Variants in EPHA6 observed in about 807,000 individuals in gnomAD.
The protein encoded by EPHA6 is ephrin type-A receptor 6.
EPHA6 carries 50 observed loss-of-function variants against 112.0 expected under a neutral mutation model. The observed-to-expected ratio is 0.45, with a 90% CI of 0.36 to 0.56. EPHA6 has a LOEUF of 0.56. Ranked by LOEUF, EPHA6 falls within the 20% of genes least tolerant of loss-of-function variation. The pLI, the probability that EPHA6 is intolerant of heterozygous loss-of-function variation, is 0.00. For missense variants in EPHA6, 1,280 were observed against 1,417.4 expected, an observed-to-expected ratio of 0.90 and a Z score of 1.56; for synonymous variants, 529 against 490.7, an observed-to-expected ratio of 1.08 and a Z score of -1.03.
chr3:97,208,578 T>C (rs1180819877), intron 3 of EPHA6, among the ~76,000 whole-genome samples: 4 of 151,980 alleles, frequency 2.6e-5, no homozygotes, highest in Non-Finnish European at 5.9e-5. Context: ...AAACCCCGTC[T>C]CTACTAAAAT....
At chr3:96,945,858 A>G (rs147196746) in intron 2 of EPHA6, among the ~76,000 whole-genome samples, 34 of 152,276 alleles carry the variant, frequency 2.2e-4, no homozygotes, top group African/African-American at 7.9e-4. Context: ...AGAGTTCATC[A>G]TTTACATTAG....
intron 12 of EPHA6, among the ~76,000 whole-genome samples, chr3:97,597,314 G>C (rs2093603066): frequency 6.6e-6 from 1 of 152,106 alleles, no homozygotes; most frequent in Admixed American, 6.5e-5. Context: ...ACTTGTGTTA[G>C]GTTCAAAGGA....
chr3:97,661,837 A>C (rs1243511453), intron 14 of EPHA6, among the ~76,000 whole-genome samples: 7 of 152,100 alleles, frequency 4.6e-5, no homozygotes, highest in Non-Finnish European at 1.0e-4. Flanking sequence ...TATATCTTTG[A>C]ATTTCCTCTT....
At chr3:96,979,458 C>A (rs1219273384) in intron 2 of EPHA6, among the ~76,000 whole-genome samples, 4 of 152,084 alleles carry the variant, frequency 2.6e-5, no homozygotes, top group Non-Finnish European at 5.9e-5. Flanking sequence ...CATTGATGGA[C>A]ATTTGGGTTG....
chr3:96,876,918 A>G (rs1475634771), intron 2 of EPHA6, among the ~76,000 whole-genome samples: 1 of 152,070 alleles, frequency 6.6e-6, no homozygotes, highest in African/African-American at 2.4e-5. Context: ...AACTCAGTGC[A>G]TATCATAGCA....
chr3:97,729,697 A>G (rs1386103), intron 15 of EPHA6, among the ~76,000 whole-genome samples: 149,048 of 151,892 alleles, frequency 0.98, 73,149 homozygotes, highest in East Asian at 0.99. Context: ...CTTCTGCCTT[A>G]TTTTTTCTTT....
intron 3 of EPHA6, among the ~76,000 whole-genome samples, chr3:97,181,743 C>A (rs1875282): frequency 0.94 from 143,013 of 152,194 alleles, 67,259 homozygotes; most frequent in East Asian, 1. Flanking sequence ...TCAGCAGTAG[C>A]CACACAATGG....
intron 3 of EPHA6, among the ~76,000 whole-genome samples, chr3:97,225,131 A>AT (rs1433829812): frequency 7.9e-5 from 12 of 151,924 alleles, no homozygotes; most frequent in Non-Finnish European, 1.3e-4. Flanking sequence ...GATCTTTTGT[A>AT]TTTTTAGTAG....
intron 2 of EPHA6, among the ~76,000 whole-genome samples, chr3:96,878,966 G>T (rs564680927): frequency 1.3e-5 from 2 of 152,038 alleles, no homozygotes; most frequent in Admixed American, 1.3e-4. Flanking sequence ...TGAATAAATT[G>T]ATTATTATTT....
rs548087086 is a variant in EPHA6, at chr3:97,722,913, C to A, written c.2934+2503C>A. ...ATTATGGCACCACCCATTTAGTAAC[C>A]ATGGCCACAGTTATGTGGACTATAA... On this transcript the variant is annotated intron_variant, in intron 15 of 17. Transcript: ENST00000389672. Among the ~76,000 whole-genome samples, 6 of 152,116 alleles carry A rather than the reference C, an allele frequency of 3.9e-5. No individual in the cohort carries two copies. The South Asian group carries it at 1.2e-3, about 32-fold the overall frequency.
intron 3 of EPHA6, among the ~76,000 whole-genome samples, chr3:97,097,478 A>T (rs2047275602): frequency 6.6e-6 from 1 of 151,876 alleles, no homozygotes; most frequent in Admixed American, 6.6e-5. Context: ...AATGGGAAAA[A>T]CATATTGTGA....
At chr3:97,336,678 T>C (rs1363002572) in intron 5 of EPHA6, among the ~76,000 whole-genome samples, 2 of 152,156 alleles carry the variant, frequency 1.3e-5, no homozygotes, top group African/African-American at 4.8e-5. Flanking sequence ...AGTTTTATTT[T>C]CATTCTTAGC....
At chr3:97,638,326 C>G (rs981713192) in intron 14 of EPHA6, among the ~76,000 whole-genome samples, 2 of 152,126 alleles carry the variant, frequency 1.3e-5, no homozygotes, top group Non-Finnish European at 2.9e-5. Flanking sequence ...GGGACTTTAA[C>G]ATCATGCTTA....
intron 1 of EPHA6, among the ~76,000 whole-genome samples, chr3:96,848,577 A>T (rs760693984): frequency 4.1e-4 from 62 of 152,186 alleles, no homozygotes; most frequent in Non-Finnish European, 2.4e-4. Context: ...GTGGGCTGAG[A>T]TCTCACCACT....
chr3:97,109,915 C>A (rs1441169730), intron 3 of EPHA6, among the ~76,000 whole-genome samples: 1 of 151,742 alleles, frequency 6.6e-6, no homozygotes, highest in South Asian at 2.1e-4. Flanking sequence ...AAATAATCAC[C>A]GGGATTAGAA....
chr3:97,081,312 G>T (rs1447369844), intron 3 of EPHA6, among the ~76,000 whole-genome samples: 1 of 151,808 alleles, frequency 6.6e-6, no homozygotes, highest in African/African-American at 2.4e-5. Context: ...ATTTTAACAT[G>T]TAAAAGGATT....
intron 14 of EPHA6, among the ~76,000 whole-genome samples, chr3:97,675,675 TTA>T (rs2031306143): frequency 6.6e-6 from 1 of 152,148 alleles, no homozygotes; most frequent in African/African-American, 2.4e-5. Context: ...GAATATATAT[TTA>T]TATATCTTAT....
At chr3:97,544,516 G>A (rs1353462708) in intron 11 of EPHA6, among the ~76,000 whole-genome samples, 1 of 152,102 alleles carries the variant, frequency 6.6e-6, no homozygotes, top group Admixed American at 6.6e-5. Flanking sequence ...GAGGATTTTT[G>A]CATCGATGTT....
intron 5 of EPHA6, among the ~76,000 whole-genome samples, chr3:97,353,449 C>T (rs2083910226): frequency 1.3e-5 from 2 of 151,600 alleles, no homozygotes; most frequent in African/African-American, 4.8e-5. Flanking sequence ...CTGAAGAGCC[C>T]TAGGGCCTTC....
Sources: gnomAD v4.1 joint callset for allele counts (sites outside exome capture counted in the v4.1 genomes callset) on GRCh38, gnomAD v4.1.1 for gene constraint, MANE v1.5 for transcripts, NCBI Gene and HGNC (gene_info 2026-07-23, HGNC 2026-07-21) for gene names.